The following GNAQ variants were observed in gnomAD, a reference collection of about 807,000 sequenced individuals.
The protein encoded by GNAQ is G protein subunit alpha q.
In GNAQ, 8 loss-of-function variants were observed where a neutral mutation model predicts 43.9. The observed-to-expected ratio is 0.18, with a 90% CI of 0.11 to 0.33. The LOEUF is 0.33. Among genes scored for constraint, GNAQ ranks in the 10% least tolerant of loss-of-function variants. The pLI is 1.00. For missense variants in GNAQ, 158 were observed against 450.8 expected, an observed-to-expected ratio of 0.35 and a Z score of 5.88; for synonymous variants, 155 against 170.7, an observed-to-expected ratio of 0.91 and a Z score of 0.71.
chr9:78,007,471 A>G (rs1823721678), intron 1 of GNAQ, among the ~76,000 whole-genome samples: 1 of 152,176 alleles, frequency 6.6e-6, no homozygotes. Flanking sequence ...CCTCTGCACC[A>G]TCTGATTTAC....
At chr9:77,770,330 T>C (rs1826203964) in intron 5 of GNAQ, among the ~76,000 whole-genome samples, 1 of 152,210 alleles carries the variant, frequency 6.6e-6, no homozygotes, top group Non-Finnish European at 1.5e-5. Context: ...TAGTTTATAA[T>C]GTGCCCAGTG....
intron 1 of GNAQ, among the ~76,000 whole-genome samples, chr9:77,995,645 T>A (rs1823559131): frequency 6.6e-6 from 1 of 151,402 alleles, no homozygotes; most frequent in Non-Finnish European, 1.5e-5. Context: ...ACTCGGCTAA[T>A]TTTTTTTTAA....
chr9:77,913,474 A>G (rs1473124726), intron 2 of GNAQ, among the ~76,000 whole-genome samples: 2 of 152,180 alleles, frequency 1.3e-5, no homozygotes, highest in East Asian at 3.8e-4. Flanking sequence ...CTCAATAGTC[A>G]CATGCAGCTA....
At chr9:77,828,207 T>C (rs753149240) in intron 2 of GNAQ, among the ~76,000 whole-genome samples, 2 of 152,004 alleles carry the variant, frequency 1.3e-5, no homozygotes, top group Non-Finnish European at 2.9e-5. Context: ...CATGAAAATG[T>C]TCTTCTCTTT....
Position 77,889,169 on chromosome 9 carries a change from C to T in GNAQ, c.321+32992G>A, listed in dbSNP as rs531170647. Among the ~76,000 whole-genome samples the T allele has an allele frequency of 2.5e-4, 38 of 151,948 alleles. 1 individual carries two copies. Among genetic ancestry groups the T allele is most frequent in the Admixed American group, 7.2e-4 (11 of 15,224 alleles). On this transcript the variant is annotated intron_variant, in intron 2 of 6. Transcript: ENST00000286548. Reference sequence around the variant, plus strand: ...TTGGCTCACACCTGTAATCCCAGCACTTTGGGAGGCCAAGGCAGGAAGATT... The same window carrying T: ...TTGGCTCACACCTGTAATCCCAGCATTTTGGGAGGCCAAGGCAGGAAGATT...
At chr9:77,732,749 G>A (rs1434598086) in intron 5 of GNAQ, among the ~76,000 whole-genome samples, 2 of 152,192 alleles carry the variant, frequency 1.3e-5, no homozygotes, top group Non-Finnish European at 2.9e-5. Context: ...GGCTCTAGGA[G>A]GCTTCCAACT....
chr9:77,974,246 G>A (rs1823272589), intron 1 of GNAQ, among the ~76,000 whole-genome samples: 1 of 152,102 alleles, frequency 6.6e-6, no homozygotes, highest in East Asian at 1.9e-4. Context: ...TTCTGGGTCT[G>A]AAACAGGGAC....
chr9:78,016,957 C>CGTTATGTTAT (rs369022784), intron 1 of GNAQ, among the ~76,000 whole-genome samples: 7 of 151,838 alleles, frequency 4.6e-5, no homozygotes, highest in Admixed American at 1.3e-4. Context: ...TGTTACGTTA[C>CGTTATGTTAT]GTTATGTTAT....
At chr9:77,960,079 G>A (rs1823089214) in intron 1 of GNAQ, among the ~76,000 whole-genome samples, 2 of 152,042 alleles carry the variant, frequency 1.3e-5, no homozygotes, top group Admixed American at 6.6e-5. Flanking sequence ...CCAAGAGAAT[G>A]GGTATAGCTT....
At chr9:77,990,640 T>C (rs1365103724) in intron 1 of GNAQ, among the ~76,000 whole-genome samples, 2 of 152,246 alleles carry the variant, frequency 1.3e-5, no homozygotes, top group African/African-American at 4.8e-5. Flanking sequence ...AATGCATGTA[T>C]GTGTATACAT....
Position 77,898,949 on chromosome 9 carries a change from T to A in GNAQ, c.321+23212A>T, listed in dbSNP as rs576065152. On this transcript the variant is annotated intron_variant, in intron 2 of 6. Transcript: ENST00000286548. ...TTACTTTCTAGATCAGGACATATAGTTCTACTTCAATGTTTATTTCAGCTG... is the reference window on the plus strand; with the variant it reads ...TTACTTTCTAGATCAGGACATATAGATCTACTTCAATGTTTATTTCAGCTG... Among the ~76,000 whole-genome samples the A allele has an allele frequency of 5.3e-5, 8 of 152,336 alleles. No individual in the cohort carries two copies. The South Asian group carries it at 1.7e-3, about 32-fold the overall frequency.
chr9:77,762,492 C>A (rs1165488047), intron 5 of GNAQ, among the ~76,000 whole-genome samples: 1 of 146,100 alleles, frequency 6.8e-6, no homozygotes, highest in African/African-American at 2.6e-5. Context: ...CAGCCCCCCG[C>A]CTGGCCAGCC....
intron 2 of GNAQ, among the ~76,000 whole-genome samples, chr9:77,848,580 G>A (rs980660750): frequency 3.9e-5 from 6 of 152,226 alleles, no homozygotes; most frequent in African/African-American, 1.4e-4. Flanking sequence ...TTCCAGAGTT[G>A]GCTTGGCCAG....
intron 5 of GNAQ, among the ~76,000 whole-genome samples, chr9:77,762,485 C>T (rs1826058315): frequency 6.9e-6 from 1 of 145,526 alleles, no homozygotes. Flanking sequence ...GGGGGGTCAG[C>T]CCCCCGCCTG....
chr9:77,918,971 G>C (rs1240792766), intron 2 of GNAQ, among the ~76,000 whole-genome samples: 1 of 152,210 alleles, frequency 6.6e-6, no homozygotes. Flanking sequence ...CCAGGCTGCA[G>C]CGTAGCGGCA....
At chr9:77,881,964 C>T (rs1313396641) in intron 2 of GNAQ, among the ~76,000 whole-genome samples, 1 of 152,220 alleles carries the variant, frequency 6.6e-6, no homozygotes, top group African/African-American at 2.4e-5. Context: ...ATAGTGAAAC[C>T]CCATCTCTAC....
intron 3 of GNAQ, among the ~76,000 whole-genome samples, chr9:77,811,732 G>A (rs1304360496): frequency 6.6e-6 from 1 of 152,182 alleles, no homozygotes; most frequent in Non-Finnish European, 1.5e-5. Context: ...AATAAAGTAA[G>A]TAACACTCGG....
chr9:78,030,655 C>G (rs551863227), intron 1 of GNAQ: 31 of 426,514 alleles, frequency 7.3e-5, no homozygotes, highest in African/African-American at 5.9e-4. Flanking sequence ...CCGCTCGCCA[C>G]CCGCTGGGCC....
At chr9:77,875,360 T>C (rs1169916309) in intron 2 of GNAQ, among the ~76,000 whole-genome samples, 1 of 152,224 alleles carries the variant, frequency 6.6e-6, no homozygotes, top group Non-Finnish European at 1.5e-5. Flanking sequence ...AATTTAACTT[T>C]TTACCTGGCT....
Sources: gnomAD v4.1 joint callset for allele counts (sites outside exome capture counted in the v4.1 genomes callset) on GRCh38, gnomAD v4.1.1 for gene constraint, MANE v1.5 for transcripts, NCBI Gene and HGNC (gene_info 2026-07-23, HGNC 2026-07-21) for gene names.